BAHD1: variants seen among roughly 807,000 people sequenced by gnomAD.
BAHD1 encodes the protein bromo adjacent homology domain-containing 1 protein.
A neutral mutation model predicts 63.1 loss-of-function variants in BAHD1; 20 were observed. The ratio of observed to expected loss-of-function variants is 0.32; its 90% CI spans 0.22 to 0.46. The LOEUF is 0.46. Among genes scored for constraint, BAHD1 ranks in the 20% least tolerant of loss-of-function variants. BAHD1 has a pLI of 1.00. For synonymous variants in BAHD1, 408 were observed against 426.8 expected (o/e 0.96, Z 0.54); for missense variants, 939 against 1,071.8 (o/e 0.88, Z 1.73).
Position 40,458,634 on chromosome 15 carries a change from T to A in BAHD1, c.170T>A (p.Leu57His). 6.2e-7 allele frequency: 1 copy of A among 1,613,888 alleles called. No individual in the cohort carries two copies. Among genetic ancestry groups the A allele is most frequent in the Non-Finnish European group, 8.5e-7 (1 of 1,179,944 alleles). The change falls in exon 2 of 7, where the codon CTT becomes CAT. Residue 57 changes from leucine to histidine, a missense_variant. By Grantham distance (99) the Leu-to-His change is moderately conservative. Coordinates refer to ENST00000416165, the MANE Select transcript of BAHD1 (RefSeq NM_014952.5). The surrounding 1 kb of genome is among the most constrained non-coding windows in gnomAD (Gnocchi z 4.7). ...HLTGRRKNYP[L>H]RKRPLVPEKP... is the part of the protein sequence containing the mutation. Reference sequence around the variant, plus strand: ...ACAGGGCGCCGCAAGAATTACCCACTTCGTAAGCGCCCATTGGTTCCTGAG... The same window carrying A: ...ACAGGGCGCCGCAAGAATTACCCACATCGTAAGCGCCCATTGGTTCCTGAG...
intron 5 of BAHD1, chr15:40,464,848 T>G: frequency 2.2e-6 from 1 of 457,062 alleles, no homozygotes; most frequent in Non-Finnish European, 4.0e-6. Context: ...ACAGGAAAGG[T>G]GAGGTGGAGC....
At chr15:40,447,273 A>G (rs989502165) in intron 1 of BAHD1, among the ~76,000 whole-genome samples, 9 of 152,102 alleles carry the variant, frequency 5.9e-5, no homozygotes, top group African/African-American at 2.2e-4. Flanking sequence ...AAAGAATTAT[A>G]AAAATGATTG....
Position 40,459,029 on chromosome 15 carries a change from C to G in BAHD1, c.565C>G (p.Pro189Ala), listed in dbSNP as rs765478318. 5.6e-6 allele frequency: 9 copies of G among 1,599,038 alleles called. No individual in the cohort carries two copies. Among genetic ancestry groups the G allele is most frequent in the Non-Finnish European group, 7.7e-6 (9 of 1,171,402 alleles). The change falls in exon 2 of 7, where the codon CCC (proline) becomes GCC (alanine). Residue 189 changes from proline (P) to alanine (A), a missense_variant. Pro to Ala is a conservative substitution (Grantham distance 27). Around this residue, in one of 5 missense-constraint regions of BAHD1, gnomAD observed 797 missense variants for 813.3 expected, o/e 0.98. Coordinates refer to ENST00000416165, the MANE Select transcript of BAHD1 (RefSeq NM_014952.5). Reference protein sequence around the residue: ...GSRDLSPEPAPDEGPRRDGDP... With the variant: ...GSRDLSPEPAADEGPRRDGDP... ...TCGGGACCTGTCTCCAGAGCCAGCA[C>G]CCGATGAAGGTCCCCGCCGAGATGG...
rs772749789 is a variant in BAHD1 at position 40,455,966 on chromosome 15, A to ATGT, written c.-14-2465_-14-2463dup. Among the ~76,000 whole-genome samples the ATGT allele has an allele frequency of 1.8e-3, 276 of 151,960 alleles. 1 individual carries two copies. Among genetic ancestry groups the ATGT allele is most frequent in the African/African-American group, 5.5e-3 (230 of 41,452 alleles). On this transcript the variant is annotated intron_variant, in intron 1 of 6. Coordinates refer to ENST00000416165, the MANE Select transcript of BAHD1 (RefSeq NM_014952.5). ...CCTGTGGGTTATAAGAAATGGGATG[A>ATGT]TGTTGTTGTTGTTGTTGTTGTTTTG...
chr15:40,449,683 C>T (rs560600851), intron 1 of BAHD1, among the ~76,000 whole-genome samples: 64 of 151,960 alleles, frequency 4.2e-4, no homozygotes, highest in Non-Finnish European at 8.5e-4. Flanking sequence ...GTGGTGTAGG[C>T]CTGTAGTCCC....
At chr15:40,440,509 G>A (rs1893367216), upstream of BAHD1, among the ~76,000 whole-genome samples, 1 of 151,542 alleles carries the variant, frequency 6.6e-6, no homozygotes, top group Admixed American at 6.6e-5. Flanking sequence ...CGCGTGCTGG[G>A]GAGGATTTGG....
chr15:40,443,435 G>A (rs961436075), intron 1 of BAHD1: 1 of 484,518 alleles, frequency 2.1e-6, no homozygotes, highest in African/African-American at 2.1e-5. Flanking sequence ...CCTTCTGTGA[G>A]GCTACACGGC....
intron 1 of BAHD1, among the ~76,000 whole-genome samples, chr15:40,447,472 CAGG>C (rs1164798029): frequency 6.6e-6 from 1 of 151,816 alleles, no homozygotes; most frequent in African/African-American, 2.4e-5. Context: ...GAGGCTGAGA[CAGG>C]AGAATTGTTT....
At chr15:40,461,873 A>C in intron 2 of BAHD1, 39 bp from the exon 3 acceptor site, 1 of 1,531,296 alleles carries the variant, frequency 6.5e-7, no homozygotes, top group Non-Finnish European at 8.8e-7. Context: ...GATGGGGGTC[A>C]CTGCTTGTCC....
chr15:40,462,731 A>T (rs536883941), intron 3 of BAHD1, among the ~76,000 whole-genome samples: 5 of 152,298 alleles, frequency 3.3e-5, no homozygotes, highest in Middle Eastern at 3.4e-3. Context: ...GGTGGCTCAC[A>T]TCTGTAATCC....
intron 1 of BAHD1, among the ~76,000 whole-genome samples, chr15:40,457,783 G>A (rs1275559207): frequency 1.3e-5 from 2 of 152,224 alleles, no homozygotes; most frequent in African/African-American, 2.4e-5. Context: ...GCCGAGGCGG[G>A]CAGATCACGA....
rs1386648645 is a variant in BAHD1, at chr15:40,458,700, A to G, written c.236A>G (p.Asn79Ser). The stretch of plus-strand genomic sequence containing the variant: ...AAAGTGCTGCTGACTCGCCTGGAGA[A>G]TGTGGCCGGTCCCCGGAGTGCAGAT... ...ACKVLLTRLE[N>S]VAGPRSADEA... The change falls in exon 2 of 7, where the codon AAT (asparagine) becomes AGT (serine). Residue 79 changes from asparagine to serine, a missense_variant. Coordinates refer to ENST00000416165, the MANE Select transcript of BAHD1 (RefSeq NM_014952.5). The surrounding 1 kb of genome is among the most constrained non-coding windows in gnomAD (Gnocchi z 4.7). 6.2e-7 allele frequency: 1 copy of G among 1,613,858 alleles called. No individual in the cohort carries two copies. Among genetic ancestry groups the G allele is most frequent in the Admixed American group, 1.7e-5 (1 of 60,024 alleles).
chr15:40,441,329 A>C (rs1479973923), intron 1 of BAHD1, 61 bp downstream of exon 1: 1 of 150,020 alleles, frequency 6.7e-6, no homozygotes, highest in African/African-American at 2.4e-5. Flanking sequence ...GGAGCGAGCG[A>C]GGTAGGCAGA....
At chr15:40,450,188 G>A (rs931001819) in intron 1 of BAHD1, among the ~76,000 whole-genome samples, 94 of 152,374 alleles carry the variant, frequency 6.2e-4, no homozygotes, top group African/African-American at 2.1e-3. Flanking sequence ...AGTTAAGTGA[G>A]TGATATTTGG....
chr15:40,466,146 G>A lies in BAHD1; in HGVS notation c.*16G>A. 1 of 1,607,678 alleles carries A rather than the reference G, an allele frequency of 6.2e-7. No homozygotes were observed. Among genetic ancestry groups the A allele is most frequent in the Non-Finnish European group, 8.5e-7 (1 of 1,176,422 alleles). On this transcript the variant is annotated 3_prime_UTR_variant, in exon 7 of 7. Coordinates refer to ENST00000416165, the MANE Select transcript of BAHD1 (RefSeq NM_014952.5). ...CCCCCAGTAGCCTCCTCATGCCCAT[G>A]CTGGGGCTACCCATGGGCAAGTGGG...
upstream of BAHD1, among the ~76,000 whole-genome samples, chr15:40,440,801 C>G (rs889657913): frequency 6.6e-6 from 1 of 152,034 alleles, no homozygotes; most frequent in Non-Finnish European, 1.5e-5. Context: ...TCTGATTGGT[C>G]AGAGACCGGG....
chr15:40,451,164 A>AC (rs1488325871), intron 1 of BAHD1, among the ~76,000 whole-genome samples: 1 of 151,724 alleles, frequency 6.6e-6, no homozygotes, highest in African/African-American at 2.4e-5. Context: ...AAAAAAAAAA[A>AC]AAAAAAAACT....
intron 1 of BAHD1, among the ~76,000 whole-genome samples, chr15:40,455,824 T>G (rs978666353): frequency 1.3e-5 from 2 of 152,176 alleles, no homozygotes; most frequent in African/African-American, 4.8e-5. Flanking sequence ...TCCAGGCCAT[T>G]TGGGAGTTGG....
intron 1 of BAHD1, among the ~76,000 whole-genome samples, chr15:40,455,361 T>G (rs1025206048): frequency 2.6e-5 from 4 of 152,188 alleles, no homozygotes; most frequent in Admixed American, 6.5e-5. Context: ...AGAGCAAGAT[T>G]AGTCCACAGG....
Sources: gnomAD v4.1 joint callset for allele counts (sites outside exome capture counted in the v4.1 genomes callset) on GRCh38, gnomAD v4.1.1 for gene constraint, gnomAD v4.1.1 regional missense constraint, Gnocchi (gnomAD v3.1) non-coding constraint, MANE v1.5 for transcripts, NCBI Gene and HGNC (gene_info 2026-07-23, HGNC 2026-07-21) for gene names.